Variants in TMC2 observed in about 807,000 individuals in gnomAD.
TMC2 encodes transmembrane channel-like protein 2.
In TMC2, 102 loss-of-function variants were observed where a neutral mutation model predicts 105.9. That is an observed-to-expected ratio of 0.96 (90% CI 0.82 to 1.14). The LOEUF (loss-of-function observed/expected upper bound fraction) is 1.14. Ranked by LOEUF, TMC2 falls within the 50% of genes most tolerant of loss-of-function variation. The pLI is 0.00. For missense variants in TMC2, 1,093 were observed against 1,134.3 expected (o/e 0.96, Z 0.52); for synonymous variants, 402 against 422.8 (o/e 0.95, Z 0.60).
chr20:2,620,263 T>C (rs1013806391), intron 16 of TMC2, among the ~76,000 whole-genome samples: 7 of 152,198 alleles, frequency 4.6e-5, no homozygotes, highest in African/African-American at 1.7e-4. Flanking sequence ...GATTTGATGA[T>C]TCTGGAAATT....
chr20:2,624,356 G>T lies in TMC2; in HGVS notation c.2266G>T (p.Ala756Ser). ...CCTGGGCAAGATCTTTGCTTTCCTCGCCAATCCAGGCCTGATCATCCCAGC... is the reference window on the plus strand; with the variant it reads ...CCTGGGCAAGATCTTTGCTTTCCTCTCCAATCCAGGCCTGATCATCCCAGC... ...TFLGKIFAFL[A>S]NPGLIIPAIL... The change falls in exon 17 of 20, where the codon GCC (alanine) becomes TCC (serine). Residue 756 changes from alanine to serine, a missense_variant. By Grantham distance (99) the Ala-to-Ser change is moderately conservative. Transcript: ENST00000358864. 1 of 1,613,952 alleles carries T rather than the reference G, an allele frequency of 6.2e-7. No homozygotes were observed. The highest frequency in any genetic ancestry group is 8.5e-7 in the Non-Finnish European group (1 of 1,179,968).
intron 16 of TMC2, among the ~76,000 whole-genome samples, chr20:2,619,848 G>A (rs1404917560): frequency 6.6e-6 from 1 of 152,130 alleles, no homozygotes; most frequent in Non-Finnish European, 1.5e-5. Context: ...CTGGGTAGGA[G>A]GTCAGCAGGG....
At chr20:2,588,018 C>T (rs993230186) in intron 7 of TMC2, among the ~76,000 whole-genome samples, 46 of 151,694 alleles carry the variant, frequency 3.0e-4, no homozygotes, top group African/African-American at 1.0e-3. Context: ...ATAATCCCCC[C>T]CCCCTTTGAG....
At chr20:2,606,406 C>G (rs531934700) in intron 11 of TMC2, among the ~76,000 whole-genome samples, 1 of 152,036 alleles carries the variant, frequency 6.6e-6, no homozygotes, top group Non-Finnish European at 1.5e-5. Flanking sequence ...ATTACAGGCA[C>G]GCATCACCAT....
chr20:2,583,425 GC>G (rs1290227204), intron 7 of TMC2, among the ~76,000 whole-genome samples: 2 of 151,752 alleles, frequency 1.3e-5, no homozygotes, highest in African/African-American at 4.8e-5. Flanking sequence ...AGGAACTGAG[GC>G]CCTTAGTCCA....
intron 4 of TMC2, among the ~76,000 whole-genome samples, chr20:2,570,353 AG>A (rs2086094658): frequency 6.6e-6 from 1 of 152,188 alleles, no homozygotes; most frequent in African/African-American, 2.4e-5. Flanking sequence ...TTCTTGATCT[AG>A]TAACATTCAA....
At chr20:2,565,177 T>G (rs572802000) in intron 4 of TMC2, among the ~76,000 whole-genome samples, 13 of 152,380 alleles carry the variant, frequency 8.5e-5, no homozygotes, top group African/African-American at 3.1e-4. Context: ...TATCAATTCC[T>G]TTTTATATAC....
chr20:2,623,474 G>T (rs2086540386), intron 16 of TMC2, among the ~76,000 whole-genome samples: 1 of 151,696 alleles, frequency 6.6e-6, no homozygotes, highest in Non-Finnish European at 1.5e-5. Flanking sequence ...GGGGGTGGAG[G>T]TTGCAGTGAG....
intron 2 of TMC2, among the ~76,000 whole-genome samples, chr20:2,537,636 G>C (rs1294193593): frequency 1.3e-5 from 2 of 150,942 alleles, no homozygotes; most frequent in Admixed American, 1.3e-4. Flanking sequence ...GGGTGGTGTG[G>C]CCAGATTCAC....
chr20:2,621,689 CT>C (rs1476160129), intron 16 of TMC2, among the ~76,000 whole-genome samples: 1 of 151,956 alleles, frequency 6.6e-6, no homozygotes, highest in African/African-American at 2.4e-5. Flanking sequence ...AATAAAACCC[CT>C]AATGGAGCTT....
At chr20:2,565,404 T>C (rs2086056641) in intron 4 of TMC2, among the ~76,000 whole-genome samples, 1 of 152,212 alleles carries the variant, frequency 6.6e-6, no homozygotes, top group African/African-American at 2.4e-5. Context: ...ACTGTTTTTT[T>C]GTTTGTTGTA....
At chr20:2,611,327 A>G (rs1163211292) in intron 12 of TMC2, among the ~76,000 whole-genome samples, 1 of 152,074 alleles carries the variant, frequency 6.6e-6, no homozygotes, top group Non-Finnish European at 1.5e-5. Context: ...CTTTTTCCTG[A>G]TGCTAACAGA....
intron 11 of TMC2, among the ~76,000 whole-genome samples, chr20:2,602,729 G>A (rs997073856): frequency 3.3e-5 from 5 of 152,200 alleles, no homozygotes; most frequent in Non-Finnish European, 7.3e-5. Context: ...CTGATAGAGC[G>A]AGTTTTCTCA....
Position 2,558,455 on chromosome 20 carries a change from G to T in TMC2, c.83-1G>T, listed in dbSNP as rs745717188. 1.3e-6 allele frequency: 2 copies of T among 1,554,812 alleles called. No individual in the cohort carries two copies. Among genetic ancestry groups the T allele is most frequent in the Non-Finnish European group, 1.7e-6 (2 of 1,149,268 alleles). Reference sequence around the variant, plus strand: ...AACTGTCCATTTTCCCGCCCCGGCAGGTGACAGGCTGGGAAGGAGATCCTC... The same window carrying T: ...AACTGTCCATTTTCCCGCCCCGGCATGTGACAGGCTGGGAAGGAGATCCTC... On this transcript the variant is annotated splice_acceptor_variant, in intron 2 of 19. Transcript: ENST00000358864. LOFTEE classifies it high-confidence loss of function. This position sits in a 1 kb window ranked among gnomAD's most constrained non-coding sequence, Gnocchi z 4.6.
Position 2,616,981 on chromosome 20 carries a change from C to G in TMC2, c.1941-91C>G. The stretch of plus-strand genomic sequence containing the variant: ...CCAGGAAAGCAGCTCGGCCTCATGC[C>G]CCTAACCCATCCGTCCCATTTCCTT... On this transcript the variant is annotated intron_variant, in intron 15 of 19. Coordinates refer to ENST00000358864, the MANE Select transcript of TMC2 (RefSeq NM_080751.3). This position sits in a 1 kb window ranked among gnomAD's most constrained non-coding sequence, Gnocchi z 4.8. The G allele has an allele frequency of 6.6e-7, 1 of 1,511,302 alleles. No individual in the cohort carries two copies. The highest frequency in any genetic ancestry group is 9.0e-7 in the Non-Finnish European group (1 of 1,105,488). The allele number at this position is 1,511,302 out of a possible 1,614,324, so 93.6% of individuals were successfully genotyped here.
intron 5 of TMC2, among the ~76,000 whole-genome samples, chr20:2,573,176 G>T (rs550547486): frequency 6.6e-6 from 1 of 152,110 alleles, no homozygotes; most frequent in African/African-American, 2.4e-5. Context: ...TCTTGCCCAT[G>T]TTTCTACATG....
Position 2,558,693 on chromosome 20 carries a change from T to C in TMC2, c.320T>C (p.Phe107Ser). 6.2e-7 allele frequency: 1 copy of C among 1,604,364 alleles called. No individual in the cohort carries two copies. Among genetic ancestry groups the C allele is most frequent in the Non-Finnish European group, 8.5e-7 (1 of 1,175,432 alleles). Residue 107 changes from phenylalanine to serine, a missense_variant, in exon 3 of 20, where the codon TTC becomes TCC. Physicochemically the swap from Phe to Ser is radical, Grantham distance 155. Coordinates refer to ENST00000358864, the MANE Select transcript of TMC2 (RefSeq NM_080751.3). This position sits in a 1 kb window ranked among gnomAD's most constrained non-coding sequence, Gnocchi z 4.6. ...AGAAAGCGCGACGAGAGGGCCTCCT[T>C]CCAGGAGCGGACAGCAGCCCCAAAG... ...GRRKRDERAS[F>S]QERTAAPKRE... is the part of the protein sequence containing the mutation.
chr20:2,565,684 C>G (rs1442998598), intron 4 of TMC2, among the ~76,000 whole-genome samples: 1 of 152,154 alleles, frequency 6.6e-6, no homozygotes, highest in Admixed American at 6.5e-5. Context: ...GTGTGGGGGC[C>G]CCATTCTCTG....
At position 2,563,264 on chromosome 20, in the gene TMC2, G is replaced by A. The variant is rs181135980; in HGVS notation, c.554+1254G>A. Among the ~76,000 whole-genome samples the A allele has an allele frequency of 7.2e-5, 11 of 152,248 alleles. No homozygotes were observed. In the East Asian group the frequency reaches 1.9e-3, roughly 27 times the overall value. ...GATCTAGCTACACCAACACTGGGCC[G>A]ACCCCGACAAGGAAAACAGAGCTTA... On this transcript the variant is annotated intron_variant, in intron 4 of 19. Transcript: ENST00000358864.
Sources: allele counts gnomAD v4.1 joint callset (sites outside exome capture counted in the v4.1 genomes callset), GRCh38; gene constraint gnomAD v4.1.1; non-coding constraint Gnocchi (gnomAD v3.1); transcripts MANE v1.5; gene names NCBI Gene and HGNC (gene_info 2026-07-23, HGNC 2026-07-21).